NBEA: variants seen among roughly 807,000 people sequenced by gnomAD.
NBEA encodes the protein lysosomal-trafficking regulator 2.
A neutral mutation model predicts 343.4 loss-of-function variants in NBEA; 44 were observed. That is an observed-to-expected ratio of 0.13 (90% CI 0.10 to 0.16). The LOEUF (loss-of-function observed/expected upper bound fraction) is 0.16. Ranked by LOEUF, NBEA falls within the 10% of genes least tolerant of loss-of-function variation. The pLI, the probability that NBEA is intolerant of heterozygous loss-of-function variation, is 1.00. For missense variants in NBEA, 2,555 were observed against 3,631.3 expected (o/e 0.70, Z 7.62); for synonymous variants, 1,175 against 1,238.7 (o/e 0.95, Z 1.08).
intron 45 of NBEA, among the ~76,000 whole-genome samples, chr13:35,580,282 G>A (rs188099934): frequency 9.2e-5 from 14 of 152,196 alleles, no homozygotes; most frequent in African/African-American, 3.4e-4. Flanking sequence ...AAAAAGTGCG[G>A]AAGTCACTGT....
intron 12 of NBEA, among the ~76,000 whole-genome samples, chr13:35,109,739 C>T (rs909749365): frequency 3.3e-5 from 5 of 151,916 alleles, no homozygotes; most frequent in African/African-American, 4.8e-5. Flanking sequence ...GGAAAGAGAA[C>T]AGATAACTAA....
At chr13:35,389,970 A>AGTGT (rs10523765) in intron 38 of NBEA, among the ~76,000 whole-genome samples, 10,391 of 137,950 alleles carry the variant, frequency 0.075, 475 homozygotes, top group Non-Finnish European at 0.096. Flanking sequence ...TCTTTTGTAG[A>AGTGT]GTGTGTGTGT....
intron 41 of NBEA, among the ~76,000 whole-genome samples, chr13:35,538,734 T>TG (rs1312796063): frequency 6.6e-6 from 1 of 152,114 alleles, no homozygotes; most frequent in African/African-American, 2.4e-5. Context: ...TCACGTGAGG[T>TG]GGGATGTGGA....
chr13:35,090,617 T>A (rs1165977102), intron 10 of NBEA, among the ~76,000 whole-genome samples: 1 of 151,912 alleles, frequency 6.6e-6, no homozygotes, highest in Non-Finnish European at 1.5e-5. Context: ...TATCTGGGCA[T>A]ATTGAACAAC....
intron 10 of NBEA, among the ~76,000 whole-genome samples, chr13:35,086,994 A>ATT (rs564086973): frequency 6.8e-6 from 1 of 147,348 alleles, no homozygotes; most frequent in Non-Finnish European, 1.5e-5. Context: ...TAATGGGGTT[A>ATT]TTTTTTTTTT....
At chr13:35,411,969 C>G (rs2043615070) in intron 38 of NBEA, among the ~76,000 whole-genome samples, 1 of 151,914 alleles carries the variant, frequency 6.6e-6, no homozygotes, top group Non-Finnish European at 1.5e-5. Flanking sequence ...GTTCTTAGTT[C>G]AGTTGTAGCA....
intron 36 of NBEA, among the ~76,000 whole-genome samples, chr13:35,317,716 A>G (rs2037840134): frequency 6.6e-6 from 1 of 152,298 alleles, no homozygotes; most frequent in South Asian, 2.1e-4. Context: ...TTTTCACAAT[A>G]TTGATTCTTC....
intron 24 of NBEA, among the ~76,000 whole-genome samples, chr13:35,165,287 C>CA (rs1300108435): frequency 6.6e-6 from 1 of 152,132 alleles, no homozygotes; most frequent in Non-Finnish European, 1.5e-5. Context: ...TTAATGCCAC[C>CA]ACCATCACCA....
intron 52 of NBEA, among the ~76,000 whole-genome samples, chr13:35,651,172 G>A (rs1022580464): frequency 1.3e-5 from 2 of 152,142 alleles, no homozygotes; most frequent in Non-Finnish European, 2.9e-5. Flanking sequence ...GTATAATCAC[G>A]TGTGAAAAAC....
At chr13:34,950,772 T>TA (rs1198384145) in intron 1 of NBEA, among the ~76,000 whole-genome samples, 2 of 151,988 alleles carry the variant, frequency 1.3e-5, no homozygotes, top group Non-Finnish European at 2.9e-5. Context: ...AGGCAACAGA[T>TA]AACATGAAAA....
At position 35,404,630 on chromosome 13, in the gene NBEA, C is replaced by T. The variant is rs2043175621; in HGVS notation, c.6180-27639C>T. Among the ~76,000 whole-genome samples the T allele has an allele frequency of 2.8e-5, 4 of 143,964 alleles. No individual in the cohort carries two copies. The South Asian group carries it at 9.5e-4, about 34-fold the overall frequency. 94.4% of individuals were successfully genotyped at this position (143,964 alleles called of 152,430 possible). A position where few individuals can be genotyped will look rare whatever the true frequency, so the allele number is the denominator to read the frequency against. On this transcript the variant is annotated intron_variant, in intron 38 of 58. Transcript: ENST00000379939. Reference sequence around the variant, plus strand: ...GGGTGGGGGGAGGGGGGAGGGATAGCTTTAGGAGATATACCTAATGCTAAA... The same window carrying T: ...GGGTGGGGGGAGGGGGGAGGGATAGTTTTAGGAGATATACCTAATGCTAAA...
intron 45 of NBEA, among the ~76,000 whole-genome samples, chr13:35,577,583 C>T (rs937373588): frequency 6.6e-6 from 1 of 151,936 alleles, no homozygotes; most frequent in East Asian, 1.9e-4. Context: ...GAATATTTTT[C>T]ACTTTGTTAT....
At chr13:35,519,274 CAT>C (rs2077601775) in intron 41 of NBEA, among the ~76,000 whole-genome samples, 1 of 152,150 alleles carries the variant, frequency 6.6e-6, no homozygotes, top group Admixed American at 6.5e-5. Context: ...TTCTAGTCCA[CAT>C]ACTCATACAA....
At chr13:35,518,446 TG>T (rs1408523376) in intron 41 of NBEA, among the ~76,000 whole-genome samples, 2 of 152,162 alleles carry the variant, frequency 1.3e-5, no homozygotes, top group African/African-American at 4.8e-5. Flanking sequence ...GAATTAAAGA[TG>T]GTTTAAAGCC....
intron 39 of NBEA, 86 bp downstream of exon 39, chr13:35,432,479 A>G: frequency 7.2e-6 from 9 of 1,249,630 alleles, no homozygotes; most frequent in East Asian, 2.7e-5. Flanking sequence ...TTTTTTCGCT[A>G]GTATTTAATG....
rs769238038 is a variant in NBEA, at chr13:35,472,498, G to A, written c.6547G>A (p.Asp2183Asn). The change falls in exon 41 of 59, where the codon GAT becomes AAT. Residue 2183 changes from aspartate to asparagine, a missense_variant. Physicochemically the swap from Asp to Asn is conservative, Grantham distance 23. Coordinates refer to ENST00000379939, the MANE Select transcript of NBEA (RefSeq NM_001385012.1). ...ITTTEIYFEV[D>N]EDDSAFKKID... Reference sequence around the variant, plus strand: ...CACGACAGAAATCTACTTCGAGGTAGATGAGGATGATTCTGCCTTCAAGAA... The same window carrying A: ...CACGACAGAAATCTACTTCGAGGTAAATGAGGATGATTCTGCCTTCAAGAA... 1 of 1,614,020 alleles carries A rather than the reference G, an allele frequency of 6.2e-7. No homozygotes were observed. Among genetic ancestry groups the A allele is most frequent in the South Asian group, 1.1e-5 (1 of 91,084 alleles).
chr13:35,621,322 CCT>C (rs1046755397), intron 48 of NBEA, among the ~76,000 whole-genome samples: 2 of 152,082 alleles, frequency 1.3e-5, no homozygotes, highest in African/African-American at 2.4e-5. Context: ...ATGAATGCTC[CCT>C]CTGTTTGAAA....
intron 1 of NBEA, among the ~76,000 whole-genome samples, chr13:34,997,551 T>C (rs1488818717): frequency 9.2e-5 from 14 of 152,234 alleles, no homozygotes; most frequent in Non-Finnish European, 1.6e-4. Context: ...GTCAGTAATT[T>C]ATGAGTTACA....
intron 2 of NBEA, 65 bp from the exon 3 acceptor site, chr13:35,044,882 G>A: frequency 8.0e-7 from 1 of 1,247,484 alleles, no homozygotes; most frequent in Non-Finnish European, 1.1e-6. Flanking sequence ...CTTTCAAAAA[G>A]TATATTACCT....
Sources: allele counts gnomAD v4.1 joint callset (sites outside exome capture counted in the v4.1 genomes callset), GRCh38; gene constraint gnomAD v4.1.1; transcripts MANE v1.5; gene names NCBI Gene and HGNC (gene_info 2026-07-23, HGNC 2026-07-21).